Variants in MCTP1 observed in about 807,000 individuals in gnomAD.
MCTP1 encodes multiple C2 and transmembrane domain containing 1.
In MCTP1, 69 loss-of-function variants were observed where a neutral mutation model predicts 120.6. The observed-to-expected ratio is 0.57, with a 90% CI of 0.47 to 0.70. The LOEUF (loss-of-function observed/expected upper bound fraction) is 0.70, where lower values mean the gene tolerates loss of function less well. Among genes scored for constraint, MCTP1 ranks in the 30% least tolerant of loss-of-function variants. The probability of loss-of-function intolerance (pLI) is 0.00; values close to 1 mark genes in which losing one functional copy is unlikely to be tolerated. For missense variants in MCTP1, 1,203 were observed against 1,248.8 expected, an observed-to-expected ratio of 0.96 and a Z score of 0.55; for synonymous variants, 529 against 493.1, an observed-to-expected ratio of 1.07 and a Z score of -0.96.
chr5:95,263,593 T>C (rs1361710669), intron 1 of MCTP1, among the ~76,000 whole-genome samples: 1 of 152,196 alleles, frequency 6.6e-6, no homozygotes, highest in Non-Finnish European at 1.5e-5. Context: ...AAAGTATAAA[T>C]GGTCATTCCT....
At position 94,826,021 on chromosome 5, in the gene MCTP1, A is replaced by G. The variant is rs142779001; in HGVS notation, c.2437-26889T>C. The G allele has an allele frequency of 6.0e-5, 19 of 318,830 alleles. No homozygotes were observed. In the East Asian group the frequency reaches 1.5e-3, roughly 25 times the overall value. The allele number at this position is 318,830 out of a possible 1,614,324, so 19.8% of individuals were successfully genotyped here. On this transcript the variant is annotated intron_variant, in intron 17 of 22. Transcript: ENST00000515393. ...CTGTTGCATCTCCACCTTCTACAAA[A>G]TGGGTGCTCTGTTTCTTCATTCTGG...
At chr5:94,934,318 AT>A (rs1222460970) in intron 5 of MCTP1, among the ~76,000 whole-genome samples, 1 of 151,716 alleles carries the variant, frequency 6.6e-6, no homozygotes, top group Non-Finnish European at 1.5e-5. Context: ...AATAAGATTT[AT>A]TTTTTTGCTC....
chr5:95,249,542 G>A (rs902641589), intron 1 of MCTP1, among the ~76,000 whole-genome samples: 7 of 152,074 alleles, frequency 4.6e-5, no homozygotes, highest in African/African-American at 1.7e-4. Flanking sequence ...AAATAGGAAC[G>A]CTTTTCACTG....
At chr5:94,953,107 G>A in intron 3 of MCTP1, 112 bp downstream of exon 3, 1 of 957,582 alleles carries the variant, frequency 1.0e-6, no homozygotes, top group Non-Finnish European at 1.5e-6. Flanking sequence ...GTGGCGAAGA[G>A]CAGAACACAT....
chr5:94,714,902 A>G lies in MCTP1; in HGVS notation c.2611-16T>C. 1 of 1,465,520 alleles carries G rather than the reference A, an allele frequency of 6.8e-7. No homozygotes were observed. The allele number at this position is 1,465,520 out of a possible 1,614,324, so 90.8% of individuals were successfully genotyped here. A position where few individuals can be genotyped will look rare whatever the true frequency, so the allele number is the denominator to read the frequency against. ...TTTCACTGTCCTAAAATGCAATAAA[A>G]AAGAAATTCTGTATGAGTAAAGGTA... On this transcript the variant is annotated splice_polypyrimidine_tract_variant and intron_variant, in intron 19 of 22. Transcript: ENST00000515393.
chr5:95,174,214 A>G (rs1485906501), intron 1 of MCTP1, among the ~76,000 whole-genome samples: 2 of 152,202 alleles, frequency 1.3e-5, no homozygotes, highest in Non-Finnish European at 2.9e-5. Flanking sequence ...ATGGGATCAA[A>G]AGAGGACGAA....
rs1044582905 is a variant in MCTP1 at position 94,766,670 on chromosome 5, G to GT, written c.2610+12439dup. ...CATGTACCCTAGAACTTAAAGTATA[G>GT]TTAAAAAAAAAAAAGGCAAACCTAG... On this transcript the variant is annotated intron_variant, in intron 19 of 22. Transcript: ENST00000515393. 5.9e-4 allele frequency among the ~76,000 whole-genome samples: 80 copies of GT among 135,858 alleles called. 2 individuals carry two copies. The South Asian group carries it at 0.013, about 22-fold the overall frequency. The allele number at this position is 135,858 out of a possible 152,430, so 89.1% of individuals were successfully genotyped here.
intron 19 of MCTP1, among the ~76,000 whole-genome samples, chr5:94,768,376 C>T (rs1036007951): frequency 6.6e-6 from 1 of 152,064 alleles, no homozygotes; most frequent in African/African-American, 2.4e-5. Context: ...TTCAAAAGCA[C>T]AGGCAGCAGA....
intron 19 of MCTP1, among the ~76,000 whole-genome samples, chr5:94,778,706 A>T (rs1485812900): frequency 6.6e-6 from 1 of 152,206 alleles, no homozygotes; most frequent in Non-Finnish European, 1.5e-5. Flanking sequence ...AAAATTACAG[A>T]TGACAATATC....
intron 1 of MCTP1, among the ~76,000 whole-genome samples, chr5:95,128,425 C>T (rs1194130790): frequency 2.2e-4 from 33 of 152,166 alleles, no homozygotes; most frequent in Admixed American, 2.1e-3. Flanking sequence ...AACTTAAATG[C>T]CCATCAACTG....
chr5:95,235,519 A>ACTTT (rs1191562903), intron 1 of MCTP1, among the ~76,000 whole-genome samples: 2 of 152,006 alleles, frequency 1.3e-5, no homozygotes, highest in Admixed American at 1.3e-4. Context: ...AAGTAGAAAC[A>ACTTT]CTTTCTTTCT....
intron 1 of MCTP1, among the ~76,000 whole-genome samples, chr5:95,064,118 C>T (rs1582108182): frequency 6.6e-6 from 1 of 152,330 alleles, no homozygotes; most frequent in East Asian, 1.9e-4. Context: ...AAATTATAGG[C>T]TCCCAAGAAC....
chr5:95,063,475 T>G lies in MCTP1; in HGVS notation c.721-45991A>C, dbSNP rs116783950. On this transcript the variant is annotated intron_variant, in intron 1 of 22. Coordinates refer to ENST00000515393, the MANE Select transcript of MCTP1 (RefSeq NM_024717.7). Reference sequence around the variant, plus strand: ...TAGCCAAAGCCAAAATGTTACACGTTAACACAGAAGCTAATTCCAGGATTT... The same window carrying G: ...TAGCCAAAGCCAAAATGTTACACGTGAACACAGAAGCTAATTCCAGGATTT... Among the ~76,000 whole-genome samples, 876 of 152,358 alleles carry G rather than the reference T, an allele frequency of 5.7e-3. 11 individuals carry two copies. The highest frequency in any genetic ancestry group is 0.02 in the African/African-American group (851 of 41,574).
intron 19 of MCTP1, among the ~76,000 whole-genome samples, chr5:94,759,424 A>G (rs899972784): frequency 6.6e-6 from 1 of 152,180 alleles, no homozygotes; most frequent in Admixed American, 6.5e-5. Context: ...AGGAGAAACT[A>G]AAGGCCAAAA....
chr5:95,008,060 C>T (rs1451711800), intron 2 of MCTP1, among the ~76,000 whole-genome samples: 1 of 152,058 alleles, frequency 6.6e-6, no homozygotes, highest in African/African-American at 2.4e-5. Flanking sequence ...AAACAGAACG[C>T]CTGTGATAAA....
chr5:94,767,055 T>C (rs536340350), intron 19 of MCTP1, among the ~76,000 whole-genome samples: 1 of 152,086 alleles, frequency 6.6e-6, no homozygotes, highest in Admixed American at 6.5e-5. Flanking sequence ...CAACAGTACA[T>C]CAAAAAGATA....
chr5:95,062,645 A>G (rs1432912468), intron 1 of MCTP1, among the ~76,000 whole-genome samples: 5 of 152,188 alleles, frequency 3.3e-5, no homozygotes, highest in Admixed American at 3.3e-4. Context: ...TATCTGCATT[A>G]TTTAATTTCA....
At chr5:94,850,169 A>G (rs1401299383) in intron 17 of MCTP1, among the ~76,000 whole-genome samples, 1 of 152,192 alleles carries the variant, frequency 6.6e-6, no homozygotes, top group Admixed American at 6.5e-5. Flanking sequence ...ATTACATTTC[A>G]GAAAGAGGCC....
At chr5:94,710,642 C>T in intron 21 of MCTP1, 176 bp downstream of exon 21, 1 of 517,478 alleles carries the variant, frequency 1.9e-6, no homozygotes, top group Non-Finnish European at 3.4e-6. Context: ...ATACATTTTG[C>T]AGGTGGACCT....
Sources: gnomAD v4.1 joint callset for allele counts (sites outside exome capture counted in the v4.1 genomes callset) on GRCh38, gnomAD v4.1.1 for gene constraint, MANE v1.5 for transcripts, NCBI Gene and HGNC (gene_info 2026-07-23, HGNC 2026-07-21) for gene names.